SCHIP1: variants seen among roughly 807,000 people sequenced by gnomAD.
SCHIP1 encodes the protein schwannomin interacting protein 1, also known as schwannomin-interacting protein 1.
In SCHIP1, 8 loss-of-function variants were observed where a neutral mutation model predicts 29.7. The observed-to-expected ratio is 0.27, with a 90% CI of 0.16 to 0.49. The LOEUF (loss-of-function observed/expected upper bound fraction) is 0.49. Ranked by LOEUF, SCHIP1 falls within the 20% of genes least tolerant of loss-of-function variation. The pLI, the probability that SCHIP1 is intolerant of heterozygous loss-of-function variation, is 0.99. For synonymous variants in SCHIP1, 76 were observed against 94.9 expected, an observed-to-expected ratio of 0.80 and a Z score of 1.16; for missense variants, 193 against 294.6, an observed-to-expected ratio of 0.66 and a Z score of 2.52.
the SCHIP1 span, among the ~76,000 whole-genome samples, chr3:159,648,419 T>G: frequency 2.0e-5 from 3 of 152,178 alleles, no homozygotes; most frequent in African/African-American, 7.2e-5. Context: ...GTTTCCTATT[T>G]CTTAAATAAG....
intron 5 of SCHIP1, among the ~76,000 whole-genome samples, chr3:159,889,905 G>A (rs1359465329): frequency 6.6e-6 from 1 of 152,058 alleles, no homozygotes; most frequent in Non-Finnish European, 1.5e-5. Flanking sequence ...GACCATCCTG[G>A]CTAACATGGT....
At position 159,890,399 on chromosome 3, in the gene SCHIP1, C is replaced by T. The variant is rs186366175; in HGVS notation, c.589+1456C>T. ...CATTAAGGGTTCAGATATGTAGACACTCTACTAAGTGACAGTATAAAAGGC... is the reference window on the plus strand; with the variant it reads ...CATTAAGGGTTCAGATATGTAGACATTCTACTAAGTGACAGTATAAAAGGC... On this transcript the variant is annotated intron_variant, in intron 5 of 6. Coordinates refer to ENST00000445224, the Ensembl canonical transcript of SCHIP1. 7.5e-3 allele frequency among the ~76,000 whole-genome samples: 1,145 copies of T among 152,260 alleles called. 6 individuals carry two copies. The highest frequency in any genetic ancestry group is 0.012 in the Non-Finnish European group (801 of 68,018).
the SCHIP1 span, among the ~76,000 whole-genome samples, chr3:159,301,111 A>ATATGTGTCAGACCC: frequency 2.6e-5 from 4 of 152,176 alleles, no homozygotes; most frequent in Admixed American, 2.6e-4. Flanking sequence ...ATAGCACTTG[A>ATATGTGTCAGACCC]TATGTGTCAG....
chr3:159,490,296 C>T, the SCHIP1 span, among the ~76,000 whole-genome samples: 1 of 152,174 alleles, frequency 6.6e-6, no homozygotes, highest in Non-Finnish European at 1.5e-5. Flanking sequence ...TAACTATTGT[C>T]ACCACACTGC....
the SCHIP1 span, among the ~76,000 whole-genome samples, chr3:159,420,744 T>A: frequency 6.6e-6 from 1 of 152,344 alleles, no homozygotes. Flanking sequence ...GTCTTTTAAA[T>A]GTAATTGGTT....
upstream of SCHIP1, among the ~76,000 whole-genome samples, chr3:159,835,038 C>T (rs1295601861): frequency 6.6e-6 from 1 of 152,154 alleles, no homozygotes; most frequent in African/African-American, 2.4e-5. Context: ...TCTCGTCATT[C>T]CTTTTCTTTC....
the SCHIP1 span, among the ~76,000 whole-genome samples, chr3:159,666,050 G>C: frequency 6.6e-6 from 1 of 152,100 alleles, no homozygotes; most frequent in African/African-American, 2.4e-5. Context: ...CGTTTACCTG[G>C]GAAAAGGAGC....
the SCHIP1 span, among the ~76,000 whole-genome samples, chr3:159,412,968 G>T: frequency 0.01 from 1,587 of 152,260 alleles, 28 homozygotes; most frequent in African/African-American, 0.037. Flanking sequence ...GGTTTAATTG[G>T]CTCACAGCTC....
At chr3:159,320,425 A>G in the SCHIP1 span, among the ~76,000 whole-genome samples, 3 of 152,206 alleles carry the variant, frequency 2.0e-5, no homozygotes, top group South Asian at 4.1e-4. Flanking sequence ...TGAGAAACAA[A>G]TTTCCGTTGT....
At chr3:159,535,335 A>C in the SCHIP1 span, among the ~76,000 whole-genome samples, 1 of 152,232 alleles carries the variant, frequency 6.6e-6, no homozygotes, top group East Asian at 1.9e-4. Context: ...GTTACTATTC[A>C]AAAGATCTCT....
chr3:159,375,496 G>A, the SCHIP1 span, among the ~76,000 whole-genome samples: 1 of 152,186 alleles, frequency 6.6e-6, no homozygotes, highest in Non-Finnish European at 1.5e-5. Context: ...CAGCACTTTG[G>A]GAGGCCGAGG....
At chr3:159,807,851 A>G in the SCHIP1 span, among the ~76,000 whole-genome samples, 4 of 152,232 alleles carry the variant, frequency 2.6e-5, no homozygotes, top group Admixed American at 2.0e-4. Context: ...AGTCCTCCCA[A>G]TAACCCTGTA....
chr3:159,393,903 G>A, the SCHIP1 span, among the ~76,000 whole-genome samples: 1 of 152,104 alleles, frequency 6.6e-6, no homozygotes, highest in African/African-American at 2.4e-5. Context: ...ATTACCTTGG[G>A]CAGTATGGCC....
At chr3:159,884,739 G>A (rs1171981786) in intron 2 of SCHIP1, among the ~76,000 whole-genome samples, 1 of 152,122 alleles carries the variant, frequency 6.6e-6, no homozygotes, top group Non-Finnish European at 1.5e-5. Flanking sequence ...AAAACTGAGG[G>A]TCATAGAGCT....
the SCHIP1 span, among the ~76,000 whole-genome samples, chr3:159,296,141 CT>C: frequency 0.098 from 14,160 of 144,356 alleles, 860 homozygotes; most frequent in Non-Finnish European, 0.13. Context: ...GCTTGCTGCT[CT>C]TTTTTTTTTT....
At chr3:159,886,396 A>G in intron 3 of SCHIP1, 72 bp downstream of exon 4, 1 of 1,364,432 alleles carries the variant, frequency 7.3e-7, no homozygotes, top group Non-Finnish European at 1.0e-6. Context: ...TTCTGTTGTA[A>G]GGTGAATCAG....
At chr3:159,615,680 A>C in the SCHIP1 span, among the ~76,000 whole-genome samples, 5 of 152,158 alleles carry the variant, frequency 3.3e-5, no homozygotes. Flanking sequence ...GGGGGTGAAG[A>C]GGAATAAGGT....
intron 1 of SCHIP1, among the ~76,000 whole-genome samples, chr3:159,858,500 C>T (rs1158951535): frequency 1.3e-5 from 2 of 152,158 alleles, no homozygotes; most frequent in South Asian, 2.1e-4. Flanking sequence ...CTCTGCGCAG[C>T]GGCATTTCTA....
chr3:159,685,186 T>G, the SCHIP1 span, among the ~76,000 whole-genome samples: 3 of 152,222 alleles, frequency 2.0e-5, no homozygotes, highest in East Asian at 5.8e-4. Flanking sequence ...CTTATATCTT[T>G]GTGTGCATGA....
Sources: allele counts gnomAD v4.1 joint callset (sites outside exome capture counted in the v4.1 genomes callset), GRCh38; gene constraint gnomAD v4.1.1; transcripts MANE v1.5; gene names NCBI Gene and HGNC (gene_info 2026-07-23, HGNC 2026-07-21).